Variants in ADAMTS9 observed in about 807,000 individuals in gnomAD.
ADAMTS9 encodes the protein ADAM metallopeptidase with thrombospondin type 1 motif 9.
Under a neutral mutation model 257.1 loss-of-function variants are expected in ADAMTS9, and 107 were observed. The observed-to-expected ratio is 0.42, with a 90% CI of 0.36 to 0.49. The LOEUF (loss-of-function observed/expected upper bound fraction) is 0.49. Ranked by LOEUF, ADAMTS9 falls within the 20% of genes least tolerant of loss-of-function variation. ADAMTS9 has a pLI of 0.03. For synonymous variants in ADAMTS9, 982 were observed against 880.9 expected (o/e 1.11, Z -2.03); for missense variants, 2,353 against 2,469.1 (o/e 0.95, Z 1.00).
chr3:64,552,898 G>A (rs149964328), intron 30 of ADAMTS9, among the ~76,000 whole-genome samples: 374 of 152,140 alleles, frequency 2.5e-3, no homozygotes, highest in African/African-American at 8.3e-3. Context: ...GTCTCTTTAC[G>A]GAGAACTACA....
At chr3:64,627,342 G>A (rs542876440) in intron 16 of ADAMTS9, among the ~76,000 whole-genome samples, 7 of 151,804 alleles carry the variant, frequency 4.6e-5, no homozygotes, top group East Asian at 3.9e-4. Flanking sequence ...ACGATCTGCC[G>A]TGATAAATGG....
In ADAMTS9 at chr3:64,608,259, A is replaced by G; in HGVS notation, c.3355-1180T>C. Among the ~76,000 whole-genome samples the G allele has an allele frequency of 5.7e-5, 4 of 69,616 alleles. No individual in the cohort carries two copies. In the South Asian group the frequency reaches 2.0e-3, roughly 34 times the overall value. 45.7% of individuals were successfully genotyped at this position (69,616 alleles called of 152,430 possible). ...ACAAAATTAACAGCAAACTAAAACCAAAAAAAAAAAAAAAAAACAAGAAAA... is the reference window on the plus strand; with the variant it reads ...ACAAAATTAACAGCAAACTAAAACCGAAAAAAAAAAAAAAAAACAAGAAAA... On this transcript the variant is annotated intron_variant, in intron 22 of 39. Coordinates refer to ENST00000498707, the MANE Select transcript of ADAMTS9 (RefSeq NM_182920.2).
In ADAMTS9 at chr3:64,597,018, C is replaced by G. The variant is rs773652088; in HGVS notation, c.4018-27G>C. ...TAAACACATCAGTCGACAAGTTAAT[C>G]CCCACCTCAATCTCCATCTTAGGGA... On this transcript the variant is annotated intron_variant, in intron 26 of 39. Coordinates refer to ENST00000498707, the MANE Select transcript of ADAMTS9 (RefSeq NM_182920.2). 20 of 1,608,150 alleles carry G rather than the reference C, an allele frequency of 1.2e-5. No homozygotes were observed. The Admixed American group carries it at 3.3e-4, about 27-fold the overall frequency.
chr3:64,612,302 G>T (rs2084679658), intron 22 of ADAMTS9, among the ~76,000 whole-genome samples: 1 of 152,176 alleles, frequency 6.6e-6, no homozygotes, highest in African/African-American at 2.4e-5. Context: ...GTTATATTCA[G>T]ATCTTGACAG....
chr3:64,672,759 A>G (rs888488989), intron 3 of ADAMTS9, among the ~76,000 whole-genome samples: 19 of 152,220 alleles, frequency 1.2e-4, no homozygotes, highest in Admixed American at 2.6e-4. Context: ...TACAAACCTA[A>G]CTTGCCACCT....
intron 23 of ADAMTS9, among the ~76,000 whole-genome samples, chr3:64,606,703 G>A (rs1048948076): frequency 6.6e-6 from 1 of 152,088 alleles, no homozygotes; most frequent in Non-Finnish European, 1.5e-5. Flanking sequence ...AAGAAAATGA[G>A]CCCAAAACCC....
At chr3:64,644,436 C>G (rs1353594929) in intron 11 of ADAMTS9, among the ~76,000 whole-genome samples, 1 of 152,108 alleles carries the variant, frequency 6.6e-6, no homozygotes, top group African/African-American at 2.4e-5. Flanking sequence ...AAGTTTTCAC[C>G]AAAAGTAAGA....
intron 27 of ADAMTS9, among the ~76,000 whole-genome samples, chr3:64,595,039 G>A (rs1009594368): frequency 6.6e-6 from 1 of 151,782 alleles, no homozygotes; most frequent in African/African-American, 2.4e-5. Flanking sequence ...CTCCCACCTC[G>A]GCCTCCCAAC....
intron 32 of ADAMTS9, among the ~76,000 whole-genome samples, chr3:64,543,576 G>C (rs777796292): frequency 3.2e-4 from 48 of 152,168 alleles, no homozygotes; most frequent in Non-Finnish European, 5.9e-4. Flanking sequence ...AGCACTTCAT[G>C]CTAAAAACTC....
At chr3:64,661,425 A>G (rs1362625384) in intron 3 of ADAMTS9, among the ~76,000 whole-genome samples, 1 of 152,194 alleles carries the variant, frequency 6.6e-6, no homozygotes, top group Non-Finnish European at 1.5e-5. Flanking sequence ...CGGCTCTTTT[A>G]TGTATGTTAT....
chr3:64,664,467 C>A (rs185021544), intron 3 of ADAMTS9, among the ~76,000 whole-genome samples: 1 of 152,266 alleles, frequency 6.6e-6, no homozygotes, highest in Non-Finnish European at 1.5e-5. Flanking sequence ...CAATCACTAA[C>A]CTATATTGTT....
chr3:64,606,923 C>T lies in ADAMTS9; in HGVS notation c.3474+37G>A, dbSNP rs779867809. 7 of 1,610,718 alleles carry T rather than the reference C, an allele frequency of 4.3e-6. No individual in the cohort carries two copies. In the East Asian group the frequency reaches 1.1e-4, roughly 26 times the overall value. On this transcript the variant is annotated intron_variant, in intron 23 of 39. Transcript: ENST00000498707. ...GCTGGGCAGTTTGGTACCTTGGTCC[C>T]CAAAGTCAATAACTGAGTTGGACAA...
chr3:64,687,488 G>C lies in ADAMTS9; in HGVS notation c.115+55C>G, dbSNP rs1010301308. The C allele has an allele frequency of 2.2e-5, 31 of 1,397,750 alleles. No homozygotes were observed. In the African/African-American group the frequency reaches 4.3e-4, roughly 19 times the overall value. 86.6% of individuals were successfully genotyped at this position (1,397,750 alleles called of 1,614,324 possible). A position where few individuals can be genotyped will look rare whatever the true frequency, so the allele number is the denominator to read the frequency against. ...GCGGGGTGCCCCTGCCCAGGAGCGA[G>C]GACCGGGAGGCGGCGTCGGGGCCGG... On this transcript the variant is annotated intron_variant, in intron 1 of 39. Transcript: ENST00000498707. This position sits in a 1 kb window ranked among gnomAD's most constrained non-coding sequence, Gnocchi z 4.4.
rs1308496457 is a variant in ADAMTS9 at position 64,569,806 on chromosome 3, TA to T, written c.4357-1272del. On this transcript the variant is annotated intron_variant, in intron 28 of 39. Transcript: ENST00000498707. Reference sequence around the variant, plus strand: ...AATATTGCTGTTTTCATTTGAGCTCTAATCTTATGAATATTATGATTTGGAG... The same window carrying T: ...AATATTGCTGTTTTCATTTGAGCTCTATCTTATGAATATTATGATTTGGAG... Among the ~76,000 whole-genome samples, 83 of 152,372 alleles carry T rather than the reference TA, an allele frequency of 5.4e-4. 1 individual carries two copies. The highest frequency in any genetic ancestry group is 1.8e-3 in the African/African-American group (73 of 41,598).
At chr3:64,633,374 G>C (rs1236188394) in intron 14 of ADAMTS9, 98 bp downstream of exon 14, 1 of 1,536,422 alleles carries the variant, frequency 6.5e-7, no homozygotes. Flanking sequence ...CCTGGCAACA[G>C]TGCACAGATA....
At chr3:64,665,868 C>T (rs944680011) in intron 3 of ADAMTS9, among the ~76,000 whole-genome samples, 2 of 152,160 alleles carry the variant, frequency 1.3e-5, no homozygotes, top group Admixed American at 1.3e-4. Context: ...TAAATACTTG[C>T]TTCCATCTTA....
At chr3:64,533,651 G>A (rs1184460480) in intron 37 of ADAMTS9, among the ~76,000 whole-genome samples, 5 of 152,194 alleles carry the variant, frequency 3.3e-5, no homozygotes, top group Non-Finnish European at 7.3e-5. Context: ...GATTCCTTCA[G>A]GAACAAAATG....
chr3:64,534,841 T>C (rs894495503), intron 37 of ADAMTS9, among the ~76,000 whole-genome samples: 3 of 152,144 alleles, frequency 2.0e-5, no homozygotes, highest in Non-Finnish European at 4.4e-5. Context: ...GCTGCTGCGA[T>C]GCACAGGACA....
intron 32 of ADAMTS9, among the ~76,000 whole-genome samples, chr3:64,542,989 T>C (rs2083146927): frequency 6.6e-6 from 1 of 152,046 alleles, no homozygotes; most frequent in African/African-American, 2.4e-5. Flanking sequence ...TATAAACACC[T>C]CTATGCAAAT....
Sources: allele counts gnomAD v4.1 joint callset (sites outside exome capture counted in the v4.1 genomes callset), GRCh38; gene constraint gnomAD v4.1.1; non-coding constraint Gnocchi (gnomAD v3.1); transcripts MANE v1.5; gene names NCBI Gene and HGNC (gene_info 2026-07-23, HGNC 2026-07-21).